ADGRL3: variants seen among roughly 807,000 people sequenced by gnomAD.
ADGRL3 encodes the protein adhesion G protein-coupled receptor L3, also known as calcium-independent alpha-latrotoxin receptor 3.
A neutral mutation model predicts 153.5 loss-of-function variants in ADGRL3; 62 were observed. That is an observed-to-expected ratio of 0.40 (90% CI 0.33 to 0.50). The LOEUF (loss-of-function observed/expected upper bound fraction) is 0.50. Ranked by LOEUF, ADGRL3 falls within the 20% of genes least tolerant of loss-of-function variation. The pLI is 0.47. For synonymous variants in ADGRL3, 710 were observed against 672.5 expected (o/e 1.06, Z -0.86); for missense variants, 1,641 against 1,859.4 (o/e 0.88, Z 2.16).
At chr4:61,981,185 G>C (rs546331959) in intron 18 of ADGRL3, among the ~76,000 whole-genome samples, 2 of 151,940 alleles carry the variant, frequency 1.3e-5, no homozygotes, top group South Asian at 4.2e-4. Flanking sequence ...TTTTTCTTTT[G>C]TTTTAACCAT....
At chr4:61,382,925 A>T (rs905725136) in intron 1 of ADGRL3, among the ~76,000 whole-genome samples, 199 bp from the exon 2 acceptor site, 3 of 151,860 alleles carry the variant, frequency 2.0e-5, no homozygotes, top group African/African-American at 7.2e-5. Flanking sequence ...AATAAATTAG[A>T]TAGTCTAGGA....
At chr4:61,400,391 C>T (rs573536551) in intron 2 of ADGRL3, among the ~76,000 whole-genome samples, 3 of 151,650 alleles carry the variant, frequency 2.0e-5, no homozygotes, top group Non-Finnish European at 4.4e-5. Flanking sequence ...AAAACTTTTA[C>T]GGTATATAAA....
chr4:61,993,164 T>TTG (rs3065140), intron 19 of ADGRL3, among the ~76,000 whole-genome samples: 54,586 of 138,168 alleles, frequency 0.4, 11,018 homozygotes, highest in Non-Finnish European at 0.46. Context: ...TGGGCTGCAG[T>TTG]TGTGTGTGTG....
chr4:61,824,764 G>T (rs1296670912), intron 9 of ADGRL3, among the ~76,000 whole-genome samples: 2 of 152,162 alleles, frequency 1.3e-5, no homozygotes, highest in Non-Finnish European at 2.9e-5. Context: ...TGCCACTCTG[G>T]AGAATCTTCT....
chr4:61,827,708 G>A (rs963313673), intron 9 of ADGRL3, among the ~76,000 whole-genome samples: 11 of 152,116 alleles, frequency 7.2e-5, no homozygotes, highest in Non-Finnish European at 2.9e-5. Context: ...CTCCTTGATT[G>A]TTTAGAATTG....
Position 61,979,702 on chromosome 4 carries a change from A to G in ADGRL3, c.2945A>G (p.Lys982Arg). 6.2e-7 allele frequency: 1 copy of G among 1,614,004 alleles called. No homozygotes were observed. The highest frequency in any genetic ancestry group is 1.1e-5 in the South Asian group (1 of 91,066). The change falls in exon 18 of 27, where the codon AAG (lysine) becomes AGG (arginine). Residue 982 changes from lysine to arginine, a missense_variant. Lys to Arg is a conservative substitution (Grantham distance 26). This residue lies in a region of ADGRL3 where 734 missense variants were observed against 797.0 expected (regional missense o/e 0.92). Transcript: ENST00000683033. The stretch of plus-strand genomic sequence containing the variant: ...CAGAGTGACCGTAACACCATCCACA[A>G]GAACCTCTGCATCAGTCTCTTTGTA... ...GLQSDRNTIHKNLCISLFVAE... is the reference protein window; with the variant it reads ...GLQSDRNTIHRNLCISLFVAE...
At chr4:61,796,293 T>C (rs1205899139) in intron 8 of ADGRL3, among the ~76,000 whole-genome samples, 1 of 152,200 alleles carries the variant, frequency 6.6e-6, no homozygotes, top group Non-Finnish European at 1.5e-5. Context: ...TTAATCATTT[T>C]GAATCTTCGT....
rs562539543 is a variant in ADGRL3, at chr4:61,368,826, G to A, written c.-239-14298G>A. Among the ~76,000 whole-genome samples, 831 of 152,224 alleles carry A rather than the reference G, an allele frequency of 5.5e-3. 9 individuals carry two copies. The highest frequency in any genetic ancestry group is 0.019 in the African/African-American group (788 of 41,534). On this transcript the variant is annotated intron_variant, in intron 1 of 26. Coordinates refer to ENST00000683033, the MANE Select transcript of ADGRL3 (RefSeq NM_001387552.1). ...TCTGTAAATTACCTTGGGCAGTATG[G>A]CCATTTTCACAATATTGATTCTTCC...
At chr4:61,397,133 A>G (rs1286157600) in intron 2 of ADGRL3, among the ~76,000 whole-genome samples, 1 of 151,850 alleles carries the variant, frequency 6.6e-6, no homozygotes, top group African/African-American at 2.4e-5. Context: ...AAATTTTATG[A>G]CATTATTTAT....
At chr4:61,531,230 G>T (rs1394558184) in intron 4 of ADGRL3, among the ~76,000 whole-genome samples, 1 of 152,154 alleles carries the variant, frequency 6.6e-6, no homozygotes, top group Non-Finnish European at 1.5e-5. Flanking sequence ...CTGAATCTTG[G>T]TAAAAATAAT....
intron 1 of ADGRL3, among the ~76,000 whole-genome samples, chr4:61,254,649 C>A (rs1403275976): frequency 1.3e-5 from 2 of 152,056 alleles, no homozygotes; most frequent in African/African-American, 4.8e-5. Context: ...TGTGAACATG[C>A]CTGGAAACTA....
At chr4:61,625,498 C>T (rs1382148152) in intron 5 of ADGRL3, among the ~76,000 whole-genome samples, 2 of 151,998 alleles carry the variant, frequency 1.3e-5, no homozygotes, top group Non-Finnish European at 2.9e-5. Context: ...GTATATATAT[C>T]AGCACATACA....
At chr4:61,960,741 G>A (rs2098984645) in intron 17 of ADGRL3, among the ~76,000 whole-genome samples, 1 of 151,974 alleles carries the variant, frequency 6.6e-6, no homozygotes, top group African/African-American at 2.4e-5. Context: ...GACAGAGTCT[G>A]ACTCTGTCGC....
chr4:62,038,742 G>T (rs561962154), intron 24 of ADGRL3, among the ~76,000 whole-genome samples: 1 of 152,056 alleles, frequency 6.6e-6, no homozygotes, highest in Non-Finnish European at 1.5e-5. Flanking sequence ...CCGAGTAGCT[G>T]GGACCACAGG....
chr4:61,609,013 T>A (rs536085493), intron 5 of ADGRL3, among the ~76,000 whole-genome samples: 8 of 152,194 alleles, frequency 5.3e-5, no homozygotes, highest in Non-Finnish European at 1.0e-4. Flanking sequence ...TTTTTTTCTT[T>A]ACAGTTTAGC....
At chr4:61,804,614 C>T (rs1442838956) in intron 8 of ADGRL3, among the ~76,000 whole-genome samples, 1 of 152,148 alleles carries the variant, frequency 6.6e-6, no homozygotes, top group African/African-American at 2.4e-5. Flanking sequence ...AGTTGAGCTA[C>T]ACTTAGTTTA....
intron 21 of ADGRL3, among the ~76,000 whole-genome samples, chr4:62,006,432 A>C (rs970580955): frequency 6.6e-6 from 1 of 151,950 alleles, no homozygotes; most frequent in African/African-American, 2.4e-5. Context: ...AAAACTGTGG[A>C]GGTTTCACTT....
Position 61,517,339 on chromosome 4 carries a change from C to T in ADGRL3, c.80C>T (p.Pro27Leu), listed in dbSNP as rs1402242124. ...IHGGKHSERH[P>L]ALAAPLRHAE... ...GGTGGCAAGCACAGTGAACGACATC[C>T]TGCCCTTGCTGCTCCATTGCGACAC... Residue 27 changes from proline to leucine, a missense_variant, in exon 4 of 27, where the codon CCT becomes CTT. Around this residue, in one of 5 missense-constraint regions of ADGRL3, gnomAD observed 145 missense variants for 79.1 expected, o/e 1.83. Transcript: ENST00000683033. The T allele has an allele frequency of 2.8e-6, 2 of 703,688 alleles. No homozygotes were observed. Among genetic ancestry groups the T allele is most frequent in the Admixed American group, 4.0e-5 (2 of 50,028 alleles). 43.6% of individuals were successfully genotyped at this position (703,688 alleles called of 1,614,324 possible).
intron 2 of ADGRL3, among the ~76,000 whole-genome samples, chr4:61,496,138 G>T (rs527932214): frequency 6.6e-6 from 1 of 152,146 alleles, no homozygotes; most frequent in Non-Finnish European, 1.5e-5. Context: ...GATTTACAGA[G>T]ATGTTTAGAA....
Sources: gnomAD v4.1 joint callset for allele counts (sites outside exome capture counted in the v4.1 genomes callset) on GRCh38, gnomAD v4.1.1 for gene constraint, gnomAD v4.1.1 regional missense constraint, MANE v1.5 for transcripts, NCBI Gene and HGNC (gene_info 2026-07-23, HGNC 2026-07-21) for gene names.